GRAMD1B: variants seen among roughly 807,000 people sequenced by gnomAD.
The protein encoded by GRAMD1B is GRAM domain containing 1B.
In GRAMD1B, 37 loss-of-function variants were observed where a neutral mutation model predicts 99.7. The ratio of observed to expected loss-of-function variants is 0.37; its 90% CI spans 0.29 to 0.49. GRAMD1B has a LOEUF of 0.49. Among genes scored for constraint, GRAMD1B ranks in the 20% least tolerant of loss-of-function variants. The pLI, the probability that GRAMD1B is intolerant of heterozygous loss-of-function variation, is 0.98. For missense variants in GRAMD1B, 888 were observed against 1,009.2 expected (o/e 0.88, Z 1.63); for synonymous variants, 427 against 387.6 (o/e 1.10, Z -1.19).
chr11:123,575,928 C>A (rs1014519717), intron 2 of GRAMD1B, among the ~76,000 whole-genome samples: 1 of 152,176 alleles, frequency 6.6e-6, no homozygotes, highest in Admixed American at 6.5e-5. Flanking sequence ...TGAAGTGGAA[C>A]ATTGGGCCTT....
At position 123,489,222 on chromosome 11, in the gene GRAMD1B, G is replaced by T. The variant is rs568746093; in HGVS notation, c.452+8329G>T. On this transcript the variant is annotated intron_variant, in intron 2 of 19. Transcript: ENST00000635736. ...AGTATTATTATCATTAAAACAGTGG[G>T]TCGAGGACGAAGGATTTGAGGAGCA... is the stretch of plus-strand genomic sequence containing the variant. 4.6e-5 allele frequency among the ~76,000 whole-genome samples: 7 copies of T among 152,320 alleles called. No individual in the cohort carries two copies. In the South Asian group the frequency reaches 1.4e-3, roughly 32 times the overall value.
At chr11:123,477,528 T>C (rs1854303368) in intron 1 of GRAMD1B, among the ~76,000 whole-genome samples, 2 of 151,450 alleles carry the variant, frequency 1.3e-5, no homozygotes, top group Admixed American at 1.3e-4. Flanking sequence ...TTCCAAATCC[T>C]AGTTTAGAGT....
At position 123,611,971 on chromosome 11, in the gene GRAMD1B, G is replaced by C. The variant is rs146188892; in HGVS notation, c.1920-790G>C. On this transcript the variant is annotated intron_variant, in intron 14 of 19. Coordinates refer to ENST00000635736, the MANE Select transcript of GRAMD1B (RefSeq NM_001387025.1). ...GGAGAGAAAAGAGCTGATACTGCAG[G>C]GGGTATGGACAGAAGTGTGACCAGT... is the stretch of plus-strand genomic sequence containing the variant. Among the ~76,000 whole-genome samples the C allele has an allele frequency of 3.3e-5, 5 of 152,324 alleles. No individual in the cohort carries two copies. The East Asian group carries it at 9.6e-4, about 29-fold the overall frequency.
chr11:123,404,873 G>T (rs1172297867), intron 1 of GRAMD1B, among the ~76,000 whole-genome samples: 1 of 152,318 alleles, frequency 6.6e-6, no homozygotes. Context: ...TAGAAATTCC[G>T]CCTGTTGTCA....
intron 1 of GRAMD1B, among the ~76,000 whole-genome samples, chr11:123,442,750 C>T (rs1243976739): frequency 6.6e-6 from 1 of 151,864 alleles, no homozygotes; most frequent in African/African-American, 2.4e-5. Flanking sequence ...AGCTTGGTGA[C>T]AAAGCGAGAT....
At chr11:123,513,542 CCTTT>C (rs1941264168) in intron 2 of GRAMD1B, among the ~76,000 whole-genome samples, 1 of 142,202 alleles carries the variant, frequency 7.0e-6, no homozygotes, top group African/African-American at 2.7e-5. Flanking sequence ...TTCCTTCCTT[CCTTT>C]CCTTTCTTTC....
At chr11:123,556,915 C>T (rs1003490979) in intron 2 of GRAMD1B, among the ~76,000 whole-genome samples, 2 of 152,114 alleles carry the variant, frequency 1.3e-5, no homozygotes, top group African/African-American at 2.4e-5. Context: ...TTATAAACAC[C>T]GTTAGGACAA....
At chr11:123,578,009 C>T (rs1466728691) in intron 3 of GRAMD1B, among the ~76,000 whole-genome samples, 1 of 152,146 alleles carries the variant, frequency 6.6e-6, no homozygotes, top group Admixed American at 6.5e-5. Context: ...TCCTTCCTGC[C>T]TTACCTTTGC....
chr11:123,554,542 A>AG (rs201891510), intron 2 of GRAMD1B, among the ~76,000 whole-genome samples: 2,001 of 143,948 alleles, frequency 0.014, 41 homozygotes, highest in African/African-American at 0.053. Context: ...AAAAAAAAAA[A>AG]AAAGAAAGAA....
intron 1 of GRAMD1B, among the ~76,000 whole-genome samples, chr11:123,412,178 T>A (rs1034302986): frequency 1.3e-5 from 2 of 152,226 alleles, no homozygotes; most frequent in Non-Finnish European, 2.9e-5. Context: ...TATTTGTAAT[T>A]AGTTGCATTT....
intron 1 of GRAMD1B, among the ~76,000 whole-genome samples, chr11:123,461,869 G>A (rs1452963232): frequency 6.6e-6 from 1 of 151,170 alleles, no homozygotes; most frequent in Non-Finnish European, 1.5e-5. Context: ...GCCTCCCAAA[G>A]TGCTGGGATT....
chr11:123,372,265 A>G (rs1047860813), intron 1 of GRAMD1B, among the ~76,000 whole-genome samples: 1 of 152,256 alleles, frequency 6.6e-6, no homozygotes, highest in African/African-American at 2.4e-5. Flanking sequence ...TGAATTCTAG[A>G]TAAGAAATAC....
At chr11:123,539,467 G>A (rs893279241) in intron 2 of GRAMD1B, among the ~76,000 whole-genome samples, 12 of 152,106 alleles carry the variant, frequency 7.9e-5, no homozygotes, top group South Asian at 6.2e-4. Flanking sequence ...GCCAGACATG[G>A]TGGTATGCAC....
At chr11:123,396,913 T>G (rs1591428045) in intron 1 of GRAMD1B, among the ~76,000 whole-genome samples, 1 of 152,246 alleles carries the variant, frequency 6.6e-6, no homozygotes, top group African/African-American at 2.4e-5. Context: ...TTGCAGAATC[T>G]TAATTAATAT....
chr11:123,478,275 G>A (rs185120997), intron 1 of GRAMD1B, among the ~76,000 whole-genome samples: 30 of 152,218 alleles, frequency 2.0e-4, no homozygotes, highest in Admixed American at 2.0e-3. Flanking sequence ...GCCTCCCAAA[G>A]TGCTGGGATT....
intron 1 of GRAMD1B, among the ~76,000 whole-genome samples, chr11:123,388,711 A>T (rs1947163293): frequency 6.6e-6 from 1 of 151,460 alleles, no homozygotes; most frequent in African/African-American, 2.4e-5. Context: ...ACAAACAAAC[A>T]AACAAAGAAG....
intron 2 of GRAMD1B, among the ~76,000 whole-genome samples, chr11:123,542,393 C>T (rs961661553): frequency 1.3e-5 from 2 of 152,158 alleles, no homozygotes; most frequent in African/African-American, 4.8e-5. Flanking sequence ...CTTTGAGAAG[C>T]GAATAGTCTG....
At chr11:123,485,496 G>A (rs1937631820) in intron 2 of GRAMD1B, among the ~76,000 whole-genome samples, 4 of 152,136 alleles carry the variant, frequency 2.6e-5, no homozygotes, top group Admixed American at 2.6e-4. Context: ...AAAGACTTTG[G>A]AACCTTGACA....
intron 2 of GRAMD1B, among the ~76,000 whole-genome samples, chr11:123,571,754 A>G (rs762133588): frequency 6.6e-6 from 1 of 152,030 alleles, no homozygotes; most frequent in East Asian, 1.9e-4. Flanking sequence ...GGTTTCTGTC[A>G]ATGTTCCATA....
Sources: gnomAD v4.1 joint callset for allele counts (sites outside exome capture counted in the v4.1 genomes callset) on GRCh38, gnomAD v4.1.1 for gene constraint, MANE v1.5 for transcripts, NCBI Gene and HGNC (gene_info 2026-07-23, HGNC 2026-07-21) for gene names.